SLC17A4: variants seen among roughly 807,000 people sequenced by gnomAD.
The protein encoded by SLC17A4 is probable small intestine urate exporter.
Under a neutral mutation model 52.5 loss-of-function variants are expected in SLC17A4, and 33 were observed. The observed-to-expected ratio is 0.63, with a 90% CI of 0.48 to 0.84. SLC17A4 has a LOEUF of 0.84. Among genes scored for constraint, SLC17A4 ranks in the 40% least tolerant of loss-of-function variants. The probability of loss-of-function intolerance (pLI) is 0.00; values close to 1 mark genes in which losing one functional copy is unlikely to be tolerated. For missense variants in SLC17A4, 585 were observed against 597.1 expected (o/e 0.98, Z 0.21); for synonymous variants, 225 against 216.2 (o/e 1.04, Z -0.36).
chr6:25,761,237 C>T (rs1348981356), intron 1 of SLC17A4, among the ~76,000 whole-genome samples: 15 of 152,182 alleles, frequency 9.9e-5, no homozygotes, highest in Admixed American at 9.8e-4. Flanking sequence ...AGAGGGTTGT[C>T]ACTGTTATTG....
At chr6:25,761,559 A>G (rs898062822) in intron 1 of SLC17A4, among the ~76,000 whole-genome samples, 2 of 152,194 alleles carry the variant, frequency 1.3e-5, no homozygotes, top group African/African-American at 4.8e-5. Context: ...TTTTCAGGTA[A>G]TTTAATCCAC....
At position 25,758,530 on chromosome 6, in the gene SLC17A4, T is replaced by C. The variant is rs553496890; in HGVS notation, c.-36-3397T>C. 3.5e-4 allele frequency among the ~76,000 whole-genome samples: 54 copies of C among 152,320 alleles called. No homozygotes were observed. The South Asian group carries it at 0.01, about 29-fold the overall frequency. On this transcript the variant is annotated intron_variant, in intron 1 of 11. Coordinates refer to ENST00000377905, the MANE Select transcript of SLC17A4 (RefSeq NM_005495.3). ...TGGTTTAATCTAGGAGGGTTTTATA[T>C]TTCCAGGAATTTATCCATCTCCTCT...
chr6:25,774,828 A>AT (rs1269037546), intron 8 of SLC17A4, among the ~76,000 whole-genome samples: 7 of 152,196 alleles, frequency 4.6e-5, no homozygotes, highest in Admixed American at 3.9e-4. Context: ...CCTTCAGGGC[A>AT]TTTTCTCACA....
intron 2 of SLC17A4, among the ~76,000 whole-genome samples, chr6:25,763,167 A>G (rs535415617): frequency 1.8e-4 from 28 of 152,124 alleles, no homozygotes; most frequent in Non-Finnish European, 3.5e-4. Flanking sequence ...GGTTCCTTCT[A>G]TAGTCTCCTA....
chr6:25,762,185 T>C (rs1761600470), intron 2 of SLC17A4, 132 bp downstream of exon 2: 3 of 688,552 alleles, frequency 4.4e-6, no homozygotes, highest in Non-Finnish European at 7.3e-6. Context: ...TACCACCAAT[T>C]GCCAATAATT....
chr6:25,769,323 C>T, intron 3 of SLC17A4, 133 bp downstream of exon 3: 1 of 863,934 alleles, frequency 1.2e-6, no homozygotes, highest in Non-Finnish European at 1.8e-6. Flanking sequence ...GGCACAAGTA[C>T]CTAAGTATCA....
At chr6:25,770,502 G>T (rs1305338880) in intron 5 of SLC17A4, 31 bp downstream of exon 5, 21 of 1,598,646 alleles carry the variant, frequency 1.3e-5, no homozygotes, top group Non-Finnish European at 1.7e-5. Flanking sequence ...CACTTTACAT[G>T]CACTGTCCAG....
chr6:25,765,713 A>G (rs2151431442), intron 2 of SLC17A4, among the ~76,000 whole-genome samples: 1 of 152,298 alleles, frequency 6.6e-6, no homozygotes, highest in South Asian at 2.1e-4. Context: ...AGATTTGAGA[A>G]AAGGAAGAAA....
intron 1 of SLC17A4, among the ~76,000 whole-genome samples, 191 bp from the exon 2 acceptor site, chr6:25,761,728 TAAGACCCA>T (rs1761551142): frequency 6.6e-6 from 1 of 152,164 alleles, no homozygotes; most frequent in African/African-American, 2.4e-5. Context: ...ATATAAATAC[TAAGACCCA>T]GGGTAAACTG....
At chr6:25,777,166 A>G (rs992457836) in intron 10 of SLC17A4, 10 of 559,678 alleles carry the variant, frequency 1.8e-5, no homozygotes, top group African/African-American at 1.5e-4. Flanking sequence ...GGCGTGAACA[A>G]GAGGAGTCAG....
Position 25,770,105 on chromosome 6 carries a change from C to T in SLC17A4, c.336C>T (p.Ile112=), listed in dbSNP as rs1162996524. ...ACTGGAGTCCTGAAATCCAGGGAAT[C>T]ATCCTCAGCTCCCTCAACTATGGCT... is the stretch of plus-strand genomic sequence containing the variant. ...AYDWSPEIQG[I]ILSSLNYGSF... Residue 112 remains isoleucine, a synonymous_variant, in exon 4 of 12, where the codon ATC becomes ATT. Transcript: ENST00000377905. The T allele has an allele frequency of 1.9e-6, 3 of 1,613,976 alleles. No individual in the cohort carries two copies. Among genetic ancestry groups the T allele is most frequent in the Non-Finnish European group, 2.5e-6 (3 of 1,179,976 alleles).
In SLC17A4 at chr6:25,777,984, T is replaced by A. The variant is rs775503614; in HGVS notation, c.1327T>A (p.Ser443Thr). Residue 443 changes from serine to threonine, a missense_variant, in exon 11 of 12, where the codon TCT becomes ACT. By Grantham distance (58) the Ser-to-Thr change is moderately conservative (BLOSUM62 1). Coordinates refer to ENST00000377905, the MANE Select transcript of SLC17A4 (RefSeq NM_005495.3). ...CTTTGCACACATAGCTGGAGCCATC[T>A]CTCCTACTGCTGCTGGATTTTTCAT... is the stretch of plus-strand genomic sequence containing the variant. ...QVFAHIAGAI[S>T]PTAAGFFISQ... 3.1e-6 allele frequency: 5 copies of A among 1,612,928 alleles called. No homozygotes were observed. Among genetic ancestry groups the A allele is most frequent in the Non-Finnish European group, 4.2e-6 (5 of 1,179,660 alleles).
At position 25,766,178 on chromosome 6, in the gene SLC17A4, ATTT is replaced by A. The variant is rs1369196350; in HGVS notation, c.92-2804_92-2802del. 1.4e-4 allele frequency among the ~76,000 whole-genome samples: 19 copies of A among 133,620 alleles called. No individual in the cohort carries two copies. In the South Asian group the frequency reaches 4.6e-3, roughly 32 times the overall value. 87.7% of individuals were successfully genotyped at this position (133,620 alleles called of 152,430 possible). On this transcript the variant is annotated intron_variant, in intron 2 of 11. Transcript: ENST00000377905. ...AAATTATTATTTCTAAGAATTATAC[ATTT>A]TTATGTTTCTAATTTATAAATATGA...
intron 3 of SLC17A4, among the ~76,000 whole-genome samples, chr6:25,769,527 C>T (rs1005728172): frequency 4.7e-5 from 7 of 150,088 alleles, no homozygotes; most frequent in South Asian, 2.1e-4. Flanking sequence ...CACTGCACTC[C>T]GGTCTGGGTG....
At chr6:25,758,691 G>C (rs1484096582) in intron 1 of SLC17A4, among the ~76,000 whole-genome samples, 1 of 151,954 alleles carries the variant, frequency 6.6e-6, no homozygotes, top group Non-Finnish European at 1.5e-5. Context: ...TTTTTCCTTG[G>C]TTAGTGTCGC....
At chr6:25,773,188 A>G in intron 6 of SLC17A4, 87 bp from the exon 7 acceptor site, 4 of 1,020,794 alleles carry the variant, frequency 3.9e-6, no homozygotes, top group South Asian at 1.4e-5. Context: ...GAGGCCAGTC[A>G]CTCTGTCAAC....
In SLC17A4 at chr6:25,767,210, C is replaced by T. The variant is rs1245725907; in HGVS notation, c.92-1775C>T. Among the ~76,000 whole-genome samples the T allele has an allele frequency of 4.6e-5, 7 of 152,124 alleles. No individual in the cohort carries two copies. In the East Asian group the frequency reaches 7.7e-4, roughly 17 times the overall value. The stretch of plus-strand genomic sequence containing the variant: ...ACAAAGCTAGTATAGCAAAAAATAG[C>T]ACATACATATGTACATAAACAACAT... On this transcript the variant is annotated intron_variant, in intron 2 of 11. Coordinates refer to ENST00000377905, the MANE Select transcript of SLC17A4 (RefSeq NM_005495.3).
intron 1 of SLC17A4, among the ~76,000 whole-genome samples, chr6:25,760,684 C>T (rs1458755841): frequency 6.6e-6 from 1 of 152,166 alleles, no homozygotes; most frequent in African/African-American, 2.4e-5. Context: ...GAGCTTTATT[C>T]TGTACAATTT....
chr6:25,775,629 T>A (rs909136732), intron 8 of SLC17A4, among the ~76,000 whole-genome samples: 1 of 151,954 alleles, frequency 6.6e-6, no homozygotes, highest in Non-Finnish European at 1.5e-5. Context: ...GGTCTTGTTA[T>A]ATTGGCTAGG....
Sources: gnomAD v4.1 joint callset for allele counts (sites outside exome capture counted in the v4.1 genomes callset) on GRCh38, gnomAD v4.1.1 for gene constraint, MANE v1.5 for transcripts, NCBI Gene and HGNC (gene_info 2026-07-23, HGNC 2026-07-21) for gene names.